Variants in KCNMA1 observed in about 807,000 individuals in gnomAD.
KCNMA1 encodes potassium calcium-activated channel subfamily M alpha 1, also known as Calcium-activated potassium channel subunit alpha-1.
A neutral mutation model predicts 140.0 loss-of-function variants in KCNMA1; 29 were observed. The observed-to-expected ratio is 0.21, with a 90% CI of 0.15 to 0.28. KCNMA1 has a LOEUF of 0.28. KCNMA1 is among the 10% of genes least tolerant of loss of function. The pLI, the probability that KCNMA1 is intolerant of heterozygous loss-of-function variation, is 1.00. For missense variants in KCNMA1, 880 were observed against 1,602.2 expected, an observed-to-expected ratio of 0.55 and a Z score of 7.70; for synonymous variants, 612 against 611.9, an observed-to-expected ratio of 1.00 and a Z score of 0.00.
At chr10:77,165,949 T>G (rs2098636799) in intron 5 of KCNMA1, among the ~76,000 whole-genome samples, 1 of 152,180 alleles carries the variant, frequency 6.6e-6, no homozygotes, top group Non-Finnish European at 1.5e-5. Context: ...CAACACATTT[T>G]TCAGAACAGT....
At chr10:77,431,040 CA>C (rs2097141879) in intron 1 of KCNMA1, among the ~76,000 whole-genome samples, 1 of 152,216 alleles carries the variant, frequency 6.6e-6, no homozygotes, top group Admixed American at 6.5e-5. Context: ...TTTAGGATGG[CA>C]GCTCCCCGCT....
chr10:77,232,594 T>C (rs541103357), intron 3 of KCNMA1, among the ~76,000 whole-genome samples: 3 of 152,382 alleles, frequency 2.0e-5, no homozygotes, highest in Non-Finnish European at 2.9e-5. Context: ...TGACCATTTT[T>C]AAACTGGGCT....
chr10:77,008,147 A>C, intron 18 of KCNMA1: 1 of 1,528,428 alleles, frequency 6.5e-7, no homozygotes, highest in Non-Finnish European at 8.8e-7. Flanking sequence ...AGACAGGGGG[A>C]ACTGGACTCC....
rs2037407279 is a variant in KCNMA1 at position 76,887,124 on chromosome 10, C to T, written c.*142G>A. On this transcript the variant is annotated 3_prime_UTR_variant, in exon 28 of 28. Coordinates refer to ENST00000286628, the MANE Select transcript of KCNMA1 (RefSeq NM_001161352.2). Reference sequence around the variant, plus strand: ...GTGAAATAAAAATGACAACCACATGCACACTATCATACATATGCAAATATG... The same window carrying T: ...GTGAAATAAAAATGACAACCACATGTACACTATCATACATATGCAAATATG... 1.3e-6 allele frequency: 2 copies of T among 1,593,180 alleles called. No homozygotes were observed. Among genetic ancestry groups the T allele is most frequent in the East Asian group, 2.2e-5 (1 of 44,484 alleles).
intron 5 of KCNMA1, among the ~76,000 whole-genome samples, chr10:77,158,145 T>C (rs2098509798): frequency 6.6e-6 from 1 of 152,148 alleles, no homozygotes; most frequent in East Asian, 1.9e-4. Flanking sequence ...AAAACACTTT[T>C]AGGGAGAAGG....
At chr10:76,892,513 G>A (rs1035213906) in intron 25 of KCNMA1, among the ~76,000 whole-genome samples, 2 of 152,202 alleles carry the variant, frequency 1.3e-5, no homozygotes, top group African/African-American at 4.8e-5. Context: ...AAATTCTCAG[G>A]TAAGGGTGTG....
chr10:77,408,748 G>A (rs2096553015), intron 1 of KCNMA1, among the ~76,000 whole-genome samples: 1 of 152,198 alleles, frequency 6.6e-6, no homozygotes, highest in Non-Finnish European at 1.5e-5. Context: ...TCAGAAAGAG[G>A]AGGTCCTGCA....
In KCNMA1 at chr10:77,039,658, C is replaced by G. The variant is rs200106407; in HGVS notation, c.1750-21G>C. ...TCAATCTAAAGGAAAGGAACACATG[C>G]GGAGAGTTTAAAATATGACGGTGGG... On this transcript the variant is annotated intron_variant, in intron 14 of 27. Coordinates refer to ENST00000286628, the MANE Select transcript of KCNMA1 (RefSeq NM_001161352.2). The G allele has an allele frequency of 3.4e-6, 5 of 1,455,432 alleles. No homozygotes were observed. In the Admixed American group the frequency reaches 6.7e-5, roughly 19 times the overall value. The allele number at this position is 1,455,432 out of a possible 1,614,324, so 90.2% of individuals were successfully genotyped here.
chr10:77,095,221 C>A (rs2096902310), intron 9 of KCNMA1, among the ~76,000 whole-genome samples: 1 of 152,192 alleles, frequency 6.6e-6, no homozygotes, highest in Non-Finnish European at 1.5e-5. Context: ...CCTGACCACT[C>A]AATTTGTGAA....
At chr10:77,524,377 G>T (rs1439391073) in intron 1 of KCNMA1, among the ~76,000 whole-genome samples, 1 of 152,188 alleles carries the variant, frequency 6.6e-6, no homozygotes, top group Non-Finnish European at 1.5e-5. Flanking sequence ...AGAAGCTTTG[G>T]CAGAGTTTGC....
intron 23 of KCNMA1, among the ~76,000 whole-genome samples, chr10:76,916,017 A>AACACAC (rs71649417): frequency 9.6e-5 from 14 of 146,300 alleles, no homozygotes; most frequent in African/African-American, 3.5e-4. Context: ...TATACACATA[A>AACACAC]ACACACACAC....
rs191312905 is a variant in KCNMA1 at position 76,910,603 on chromosome 10, C to T, written c.3017-507G>A. 3.7e-3 allele frequency: 872 copies of T among 236,862 alleles called. 4 individuals are homozygous for T. The highest frequency in any genetic ancestry group is 8.0e-3 in the Middle Eastern group (5 of 626). 14.7% of individuals were successfully genotyped at this position (236,862 alleles called of 1,614,324 possible). A position where few individuals can be genotyped will look rare whatever the true frequency, so the allele number is the denominator to read the frequency against. Reference sequence around the variant, plus strand: ...CCACAGGCATAACCCGCAGCCTACCCACTGGGATTGGCCTGGGTAGTTCCC... The same window carrying T: ...CCACAGGCATAACCCGCAGCCTACCTACTGGGATTGGCCTGGGTAGTTCCC... On this transcript the variant is annotated intron_variant, in intron 24 of 27. Transcript: ENST00000286628.
At chr10:77,279,603 C>T (rs2067770504) in intron 2 of KCNMA1, among the ~76,000 whole-genome samples, 1 of 152,278 alleles carries the variant, frequency 6.6e-6, no homozygotes, top group East Asian at 1.9e-4. Context: ...AGAATAAAAT[C>T]CAGACCTTAT....
intron 2 of KCNMA1, among the ~76,000 whole-genome samples, chr10:77,271,868 T>C (rs377419367): frequency 1.6e-4 from 24 of 152,312 alleles, no homozygotes; most frequent in African/African-American, 5.8e-4. Flanking sequence ...CTCTGAAATG[T>C]TCTAGAATGT....
intron 2 of KCNMA1, among the ~76,000 whole-genome samples, chr10:77,364,994 G>A (rs1220389393): frequency 1.3e-5 from 2 of 152,144 alleles, no homozygotes; most frequent in Admixed American, 1.3e-4. Flanking sequence ...AATCCACTCG[G>A]GGAAAAATTA....
chr10:77,014,796 A>C (rs2091658199), intron 17 of KCNMA1, among the ~76,000 whole-genome samples: 1 of 152,192 alleles, frequency 6.6e-6, no homozygotes, highest in African/African-American at 2.4e-5. Context: ...AGAGTATCTA[A>C]GCTCAGCTGA....
At position 76,970,232 on chromosome 10, in the gene KCNMA1, C is replaced by T. The variant is rs904290676; in HGVS notation, c.2267-165G>A. The stretch of plus-strand genomic sequence containing the variant: ...AGACCAAATGTGTTAGTCAAAGAGG[C>T]CGGCTTAGAGAAGGTGAAGGCAACA... On this transcript the variant is annotated intron_variant, in intron 19 of 27. Transcript: ENST00000286628. The T allele has an allele frequency of 7.4e-6, 5 of 678,028 alleles. No homozygotes were observed. The African/African-American group carries it at 8.8e-5, about 12-fold the overall frequency. The allele number at this position is 678,028 out of a possible 1,614,324, so 42.0% of individuals were successfully genotyped here. A position where few individuals can be genotyped will look rare whatever the true frequency, so the allele number is the denominator to read the frequency against.
intron 15 of KCNMA1, 134 bp downstream of exon 15, chr10:77,039,394 G>C: frequency 1.4e-6 from 1 of 709,600 alleles, no homozygotes; most frequent in Non-Finnish European, 2.6e-6. Context: ...TCATCACATG[G>C]GGCCGAGCAC....
chr10:77,283,292 G>A (rs951934631), intron 2 of KCNMA1, among the ~76,000 whole-genome samples: 2 of 152,180 alleles, frequency 1.3e-5, no homozygotes, highest in Non-Finnish European at 2.9e-5. Context: ...ACCAATCTCA[G>A]AACTGTCTAG....
Sources: gnomAD v4.1 joint callset for allele counts (sites outside exome capture counted in the v4.1 genomes callset) on GRCh38, gnomAD v4.1.1 for gene constraint, MANE v1.5 for transcripts, NCBI Gene and HGNC (gene_info 2026-07-23, HGNC 2026-07-21) for gene names.